CSMD1: variants seen among roughly 807,000 people sequenced by gnomAD.
CSMD1 encodes CUB and Sushi multiple domains 1.
Under a neutral mutation model 417.5 loss-of-function variants are expected in CSMD1, and 213 were observed. The observed-to-expected ratio is 0.51, with a 90% CI of 0.46 to 0.57. The LOEUF is 0.57. Ranked by LOEUF, CSMD1 falls within the 20% of genes least tolerant of loss-of-function variation. CSMD1 has a pLI of 0.00. For missense variants in CSMD1, 6,923 were observed against 4,529.7 expected, an observed-to-expected ratio of 1.53 and a Z score of -15.17; for synonymous variants, 2,862 against 1,736.8, an observed-to-expected ratio of 1.65 and a Z score of -16.11.
At chr8:3,916,070 G>C (rs1473827587) in intron 5 of CSMD1, among the ~76,000 whole-genome samples, 1 of 151,768 alleles carries the variant, frequency 6.6e-6, no homozygotes, top group South Asian at 2.1e-4. Flanking sequence ...TTTTCAAAGT[G>C]TCTGCTCTGG....
At chr8:4,018,504 G>A (rs1796629680) in intron 4 of CSMD1, among the ~76,000 whole-genome samples, 1 of 152,162 alleles carries the variant, frequency 6.6e-6, no homozygotes, top group Non-Finnish European at 1.5e-5. Flanking sequence ...AGGGGAGGCA[G>A]CCAAAGCCCA....
At chr8:4,046,612 G>C (rs781483884) in intron 3 of CSMD1, among the ~76,000 whole-genome samples, 2 of 120,590 alleles carry the variant, frequency 1.7e-5, no homozygotes, top group African/African-American at 5.1e-5. Context: ...TGATTGTTGA[G>C]TCTTGATAAT....
intron 37 of CSMD1, among the ~76,000 whole-genome samples, chr8:3,165,860 A>G (rs1820177997): frequency 6.6e-6 from 1 of 152,162 alleles, no homozygotes; most frequent in South Asian, 2.1e-4. Context: ...ACCTTCTGAG[A>G]GAGAAATCAA....
chr8:4,385,860 A>C (rs938469367), intron 3 of CSMD1, among the ~76,000 whole-genome samples: 28 of 152,154 alleles, frequency 1.8e-4, no homozygotes, highest in Admixed American at 1.1e-3. Flanking sequence ...TGGATATTTA[A>C]AAATATATGC....
rs1585097308 is a variant in CSMD1 at position 3,392,923 on chromosome 8, G to A, written c.2593+3271C>T. ...CATTGGTTTTATTTTAAACCCCGCA[G>A]GTAACCCTTAGGTGCAGGGCTGGTG... On this transcript the variant is annotated intron_variant, in intron 17 of 69. Transcript: ENST00000635120. Among the ~76,000 whole-genome samples the A allele has an allele frequency of 2.6e-5, 4 of 152,022 alleles. No homozygotes were observed. In the East Asian group the frequency reaches 7.7e-4, roughly 29 times the overall value.
intron 12 of CSMD1, among the ~76,000 whole-genome samples, chr8:3,432,508 CTTTTTT>C: frequency 9.5e-6 from 1 of 105,316 alleles, no homozygotes; most frequent in East Asian, 2.7e-4. Context: ...TCAATATGGG[CTTTTTT>C]TTTTTTTTTT....
chr8:3,572,662 A>G (rs1414345665), intron 10 of CSMD1, among the ~76,000 whole-genome samples: 1 of 152,216 alleles, frequency 6.6e-6, no homozygotes, highest in Non-Finnish European at 1.5e-5. Context: ...AAATTGCAGA[A>G]GTAACATAAT....
intron 3 of CSMD1, among the ~76,000 whole-genome samples, chr8:4,330,679 C>G (rs954151233): frequency 6.6e-6 from 1 of 152,070 alleles, no homozygotes; most frequent in African/African-American, 2.4e-5. Context: ...GTTTTACACT[C>G]CTAGGTGTTT....
At position 3,509,918 on chromosome 8, in the gene CSMD1, G is replaced by A. The variant is rs537359010; in HGVS notation, c.1345-16192C>T. On this transcript the variant is annotated intron_variant, in intron 10 of 69. Coordinates refer to ENST00000635120, the MANE Select transcript of CSMD1 (RefSeq NM_033225.6). ...GCCCCAGTGAAGCGATGAGGGCAAC[G>A]CTTAAGTTGCTGGCATTTCAGCCTC... 1.2e-3 allele frequency among the ~76,000 whole-genome samples: 189 copies of A among 152,194 alleles called. 1 individual carries two copies. Among genetic ancestry groups the A allele is most frequent in the African/African-American group, 4.2e-3 (174 of 41,548 alleles).
chr8:4,233,063 TA>T (rs1801839128), intron 3 of CSMD1, among the ~76,000 whole-genome samples: 1 of 152,236 alleles, frequency 6.6e-6, no homozygotes. Flanking sequence ...CTAGGTTTAT[TA>T]AAGCTCATTG....
intron 27 of CSMD1, 116 bp from the exon 28 acceptor site, chr8:3,223,983 A>G (rs1191278957): frequency 1.1e-6 from 1 of 928,384 alleles, no homozygotes; most frequent in Non-Finnish European, 1.6e-6. Flanking sequence ...CATTTTTACC[A>G]GTCCAAGAGA....
rs575758667 is a variant in CSMD1, at chr8:4,199,678, G to A, written c.416-167579C>T. 6.6e-5 allele frequency among the ~76,000 whole-genome samples: 10 copies of A among 152,200 alleles called. No individual in the cohort carries two copies. The South Asian group carries it at 1.0e-3, about 16-fold the overall frequency. On this transcript the variant is annotated intron_variant, in intron 3 of 69. Transcript: ENST00000635120. The stretch of plus-strand genomic sequence containing the variant: ...TCAGTGTATGAGGCTGGACAGGCAA[G>A]GCAGTCCAGATTTAATATTGTTAAT...
intron 2 of CSMD1, among the ~76,000 whole-genome samples, chr8:4,603,498 T>C (rs949744394): frequency 6.6e-6 from 1 of 152,126 alleles, no homozygotes; most frequent in African/African-American, 2.4e-5. Flanking sequence ...AGGTAAGTAT[T>C]AATCCTATTT....
chr8:4,866,703 C>T (rs373378057), intron 1 of CSMD1, among the ~76,000 whole-genome samples: 1 of 151,836 alleles, frequency 6.6e-6, no homozygotes, highest in African/African-American at 2.4e-5. Context: ...AAATAAGATA[C>T]TAATTTAACA....
chr8:3,618,360 TAA>T (rs1160560738), intron 7 of CSMD1, among the ~76,000 whole-genome samples: 1 of 152,176 alleles, frequency 6.6e-6, no homozygotes, highest in Non-Finnish European at 1.5e-5. Flanking sequence ...AATCCTTCAT[TAA>T]ATACAAATTC....
chr8:4,102,614 A>C (rs1801362882), intron 3 of CSMD1, among the ~76,000 whole-genome samples: 1 of 152,164 alleles, frequency 6.6e-6, no homozygotes, highest in Non-Finnish European at 1.5e-5. Flanking sequence ...GTCTACTCAA[A>C]TGCCTCCTGT....
intron 1 of CSMD1, among the ~76,000 whole-genome samples, chr8:4,903,328 A>T (rs2117053215): frequency 6.6e-6 from 1 of 152,288 alleles, no homozygotes; most frequent in Non-Finnish European, 1.5e-5. Context: ...GGATAAAATT[A>T]CCATCTTTGA....
At chr8:3,403,597 T>C (rs1274125347) in intron 15 of CSMD1, among the ~76,000 whole-genome samples, 1 of 152,230 alleles carries the variant, frequency 6.6e-6, no homozygotes, top group African/African-American at 2.4e-5. Flanking sequence ...TTGTAACATA[T>C]CTGCAATCAG....
chr8:4,185,928 C>G (rs957248342), intron 3 of CSMD1, among the ~76,000 whole-genome samples: 1 of 152,060 alleles, frequency 6.6e-6, no homozygotes, highest in Non-Finnish European at 1.5e-5. Flanking sequence ...AGTTCATTTC[C>G]CTGCAATACT....
Sources: allele counts gnomAD v4.1 joint callset (sites outside exome capture counted in the v4.1 genomes callset), GRCh38; gene constraint gnomAD v4.1.1; transcripts MANE v1.5; gene names NCBI Gene and HGNC (gene_info 2026-07-23, HGNC 2026-07-21).